Variants in FAF1 observed in about 807,000 individuals in gnomAD.
FAF1 encodes Fas associated factor 1, also known as FAS-associated factor 1.
In FAF1, 25 loss-of-function variants were observed where a neutral mutation model predicts 92.5. The observed-to-expected ratio is 0.27, with a 90% CI of 0.20 to 0.38. The LOEUF is 0.38. Among genes scored for constraint, FAF1 ranks in the 10% least tolerant of loss-of-function variants. The pLI, the probability that FAF1 is intolerant of heterozygous loss-of-function variation, is 1.00. For synonymous variants in FAF1, 234 were observed against 273.2 expected, an observed-to-expected ratio of 0.86 and a Z score of 1.42; for missense variants, 636 against 793.3, an observed-to-expected ratio of 0.80 and a Z score of 2.38.
chr1:50,629,895 C>A (rs1250321703), intron 8 of FAF1, among the ~76,000 whole-genome samples: 1 of 151,992 alleles, frequency 6.6e-6, no homozygotes, highest in East Asian at 1.9e-4. Flanking sequence ...CCCATCTCTA[C>A]TAAAAATACA....
intron 1 of FAF1, among the ~76,000 whole-genome samples, chr1:50,878,169 G>T (rs1644585496): frequency 6.6e-6 from 1 of 152,152 alleles, no homozygotes; most frequent in Non-Finnish European, 1.5e-5. Context: ...TGCAATTCTT[G>T]CTTCCCAAAA....
chr1:50,617,343 G>GT (rs1166015675), intron 8 of FAF1, among the ~76,000 whole-genome samples: 1 of 152,116 alleles, frequency 6.6e-6, no homozygotes, highest in Non-Finnish European at 1.5e-5. Flanking sequence ...TCTGTTGAGG[G>GT]TTTTTATCAA....
chr1:50,735,392 C>T (rs948048725), intron 6 of FAF1, among the ~76,000 whole-genome samples: 1 of 152,162 alleles, frequency 6.6e-6, no homozygotes, highest in Non-Finnish European at 1.5e-5. Flanking sequence ...AGAGTTTGCT[C>T]TTCGATTCTC....
At chr1:50,592,937 C>CAA (rs1374336185) in intron 9 of FAF1, among the ~76,000 whole-genome samples, 1,001 of 92,316 alleles carry the variant, frequency 0.011, 9 homozygotes, top group African/African-American at 0.036. Context: ...GACTCTGTTT[C>CAA]AAAAAAAAAA....
intron 15 of FAF1, among the ~76,000 whole-genome samples, chr1:50,518,121 C>T (rs546398377): frequency 5.3e-5 from 8 of 152,142 alleles, no homozygotes; most frequent in Non-Finnish European, 1.2e-4. Flanking sequence ...TTGCAGTCCA[C>T]GCTTTCCTGA....
intron 8 of FAF1, among the ~76,000 whole-genome samples, chr1:50,649,875 C>A (rs571125670): frequency 1.8e-4 from 27 of 146,532 alleles, no homozygotes; most frequent in African/African-American, 6.6e-4. Flanking sequence ...TGAGGAGGGA[C>A]AATTGCTTGA....
At chr1:50,477,869 C>G (rs1393316894) in intron 17 of FAF1, among the ~76,000 whole-genome samples, 3 of 152,168 alleles carry the variant, frequency 2.0e-5, no homozygotes, top group Non-Finnish European at 2.9e-5. Context: ...AACATGCTAA[C>G]TGAAATAATA....
At chr1:50,646,809 G>A (rs1654610846) in intron 8 of FAF1, among the ~76,000 whole-genome samples, 1 of 152,118 alleles carries the variant, frequency 6.6e-6, no homozygotes, top group Non-Finnish European at 1.5e-5. Context: ...TGTAAGAGTT[G>A]TTAAAGCGAA....
chr1:50,749,066 A>G (rs568689917), intron 4 of FAF1, among the ~76,000 whole-genome samples: 1 of 152,346 alleles, frequency 6.6e-6, no homozygotes, highest in South Asian at 2.1e-4. Context: ...ACTTTAATCA[A>G]TCTTGGCCTT....
Position 50,798,801 on chromosome 1 carries a change from TA to T in FAF1, c.161+2829del, listed in dbSNP as rs747581685. Among the ~76,000 whole-genome samples, 322 of 152,304 alleles carry T rather than the reference TA, an allele frequency of 2.1e-3. 2 individuals carry two copies. The highest frequency in any genetic ancestry group is 4.1e-3 in the Non-Finnish European group (276 of 68,020). ...TAGCTTACGACTAAAATAATAACTA[TA>T]AAAAACCAAGCTGTGGAAGACAGAC... is the stretch of plus-strand genomic sequence containing the variant. On this transcript the variant is annotated intron_variant, in intron 3 of 18. Transcript: ENST00000396153.
chr1:50,847,030 G>C (rs1454818776), intron 2 of FAF1, among the ~76,000 whole-genome samples: 2 of 152,106 alleles, frequency 1.3e-5, no homozygotes, highest in Non-Finnish European at 2.9e-5. Flanking sequence ...CTCACTGACA[G>C]CTTCTCTGTA....
At chr1:50,495,579 A>G (rs1646888446) in intron 15 of FAF1, among the ~76,000 whole-genome samples, 1 of 152,244 alleles carries the variant, frequency 6.6e-6, no homozygotes, top group Non-Finnish European at 1.5e-5. Context: ...ATGTTAGTAC[A>G]GATATCTCTT....
At chr1:50,501,660 CAA>C (rs543026675) in intron 15 of FAF1, among the ~76,000 whole-genome samples, 15 of 106,168 alleles carry the variant, frequency 1.4e-4, no homozygotes, top group Non-Finnish European at 9.5e-5. Context: ...GACTCCGTCT[CAA>C]AAAAAAAAAA....
intron 8 of FAF1, among the ~76,000 whole-genome samples, chr1:50,619,146 T>C (rs116182873): frequency 0.013 from 1,981 of 152,316 alleles, 43 homozygotes; most frequent in African/African-American, 0.044. Flanking sequence ...GTGAGATGTG[T>C]CTCTTGAACA....
At chr1:50,492,912 T>C (rs1224248742) in intron 15 of FAF1, among the ~76,000 whole-genome samples, 1 of 152,128 alleles carries the variant, frequency 6.6e-6, no homozygotes, top group Admixed American at 6.5e-5. Flanking sequence ...ATCTTTCAAA[T>C]AAAAATTAGA....
At chr1:50,911,421 C>T (rs1241118365) in intron 1 of FAF1, among the ~76,000 whole-genome samples, 6 of 151,080 alleles carry the variant, frequency 4.0e-5, no homozygotes, top group Non-Finnish European at 5.9e-5. Flanking sequence ...CCTGGCTGGG[C>T]GCGGTGGCTC....
chr1:50,930,512 C>T (rs964291663), intron 1 of FAF1, among the ~76,000 whole-genome samples: 6 of 152,138 alleles, frequency 3.9e-5, no homozygotes, highest in African/African-American at 1.4e-4. Flanking sequence ...GTAATAACAA[C>T]AATCTTGCAA....
At chr1:50,673,693 C>T (rs1038746907) in intron 7 of FAF1, among the ~76,000 whole-genome samples, 1 of 152,036 alleles carries the variant, frequency 6.6e-6, no homozygotes, top group Non-Finnish European at 1.5e-5. Flanking sequence ...GTATAACTTC[C>T]AAGGGTGTTC....
chr1:50,777,125 A>C (rs1309094419), intron 4 of FAF1, among the ~76,000 whole-genome samples: 1 of 151,830 alleles, frequency 6.6e-6, no homozygotes, highest in Non-Finnish European at 1.5e-5. Flanking sequence ...TAAAATAAAT[A>C]ATATAGGCTG....
Sources: allele counts gnomAD v4.1 joint callset (sites outside exome capture counted in the v4.1 genomes callset), GRCh38; gene constraint gnomAD v4.1.1; transcripts MANE v1.5; gene names NCBI Gene and HGNC (gene_info 2026-07-23, HGNC 2026-07-21).